Variants in CHEK1 observed in about 807,000 individuals in gnomAD.
The protein encoded by CHEK1 is serine/threonine-protein kinase Chk1.
CHEK1 carries 32 observed loss-of-function variants against 60.2 expected under a neutral mutation model. The observed-to-expected ratio is 0.53, with a 90% CI of 0.40 to 0.71. The LOEUF (loss-of-function observed/expected upper bound fraction) is 0.71, where lower values mean the gene tolerates loss of function less well. CHEK1 is among the 30% of genes least tolerant of loss of function. The pLI, the probability that CHEK1 is intolerant of heterozygous loss-of-function variation, is 0.00. For synonymous variants in CHEK1, 179 were observed against 187.2 expected (o/e 0.96, Z 0.36); for missense variants, 399 against 564.6 (o/e 0.71, Z 2.97).
downstream of CHEK1, chr11:125,677,897 A>G: frequency 6.2e-7 from 1 of 1,613,834 alleles, no homozygotes; most frequent in South Asian, 1.1e-5. Context: ...AAGGCTGTTC[A>G]CCGGAGCCAT....
intron 5 of CHEK1, among the ~76,000 whole-genome samples, chr11:125,630,299 T>C (rs777192003): frequency 6.6e-6 from 1 of 151,290 alleles, no homozygotes; most frequent in Non-Finnish European, 1.5e-5. Flanking sequence ...AGAATAGTGC[T>C]TAACAAATGG....
chr11:125,643,463 A>G, intron 8 of CHEK1: 1 of 177,032 alleles, frequency 5.6e-6, no homozygotes. Flanking sequence ...ACTGCACTCC[A>G]GCCTGGGTGA....
In CHEK1 at chr11:125,631,839, G is replaced by C. The variant is rs183376497; in HGVS notation, c.425-1324G>C. The stretch of plus-strand genomic sequence containing the variant: ...ATCACATCACTACACTCTAGTCTGG[G>C]CAGCAGAGTGAGACACTTTCTCAAA... On this transcript the variant is annotated intron_variant, in intron 5 of 12. Coordinates refer to ENST00000438015, the MANE Select transcript of CHEK1 (RefSeq NM_001114122.3). 3.7e-3 allele frequency among the ~76,000 whole-genome samples: 514 copies of C among 139,222 alleles called. 2 individuals carry two copies. The highest frequency in any genetic ancestry group is 0.013 in the African/African-American group (488 of 36,990). 91.3% of individuals were successfully genotyped at this position (139,222 alleles called of 152,430 possible).
At chr11:125,675,523 G>A (rs1447217974) in intron 13 of CHEK1, among the ~76,000 whole-genome samples, 5 of 152,218 alleles carry the variant, frequency 3.3e-5, no homozygotes, top group African/African-American at 7.2e-5. Context: ...TACAAGAGGA[G>A]TCAGGCAGTG....
chr11:125,643,519 G>A (rs983787722), intron 8 of CHEK1: 8 of 266,326 alleles, frequency 3.0e-5, no homozygotes, highest in African/African-American at 4.5e-5. Flanking sequence ...AAAGATTGTG[G>A]TCTGAGCATA....
intron 8 of CHEK1, among the ~76,000 whole-genome samples, chr11:125,642,669 C>T (rs569512057): frequency 1.1e-3 from 160 of 152,212 alleles, no homozygotes; most frequent in Admixed American, 1.8e-3. Flanking sequence ...GGATCAAGAT[C>T]CCTAAGGAGG....
In CHEK1 at chr11:125,639,614, C is replaced by T. The variant is rs3731432; in HGVS notation, c.814+2070C>T. On this transcript the variant is annotated intron_variant, in intron 8 of 12. Coordinates refer to ENST00000438015, the MANE Select transcript of CHEK1 (RefSeq NM_001114122.3). ...CTCAAACTCCTAGCCTCAAGTGATC[C>T]CCCTGCCTCAGCCTCCCAAAGTGCT... 4.6e-3 allele frequency among the ~76,000 whole-genome samples: 705 copies of T among 152,056 alleles called. 9 individuals are homozygous for T. Among genetic ancestry groups the T allele is most frequent in the African/African-American group, 0.014 (592 of 41,456 alleles).
rs1045744018 is a variant in CHEK1 at position 125,657,023 on chromosome 11, T to G, written c.*1703T>G. Reference sequence around the variant, plus strand: ...GTAGGAAGAGTATAGTGTCCTGTTTTGCACAGAAAGGCATTCTGTAAATAA... The same window carrying G: ...GTAGGAAGAGTATAGTGTCCTGTTTGGCACAGAAAGGCATTCTGTAAATAA... On this transcript the variant is annotated 3_prime_UTR_variant, in exon 13 of 13. Coordinates refer to ENST00000438015, the MANE Select transcript of CHEK1 (RefSeq NM_001114122.3). The G allele has an allele frequency of 1.1e-5, 2 of 190,346 alleles. No homozygotes were observed. Among genetic ancestry groups the G allele is most frequent in the Non-Finnish European group, 2.2e-5 (2 of 90,840 alleles). 11.8% of individuals were successfully genotyped at this position (190,346 alleles called of 1,614,324 possible).
chr11:125,627,570 T>G (rs1565361641), intron 2 of CHEK1, 37 bp from the exon 3 acceptor site: 1 of 1,521,100 alleles, frequency 6.6e-7, no homozygotes, highest in East Asian at 2.3e-5. Context: ...TTAGAAGAAA[T>G]GGAATTCTGT....
At chr11:125,655,182 G>T (rs745385662) in intron 12 of CHEK1, 43 bp from the exon 13 acceptor site, 1 of 1,484,240 alleles carries the variant, frequency 6.7e-7, no homozygotes, top group South Asian at 1.2e-5. Context: ...TTTTGTTTTT[G>T]TTTTTGTTTT....
At chr11:125,669,659 G>A (rs1942164063) in intron 13 of CHEK1, among the ~76,000 whole-genome samples, 1 of 151,416 alleles carries the variant, frequency 6.6e-6, no homozygotes, top group South Asian at 2.1e-4. Flanking sequence ...AAATAGCTGG[G>A]ATTACAGGCG....
At chr11:125,679,968 G>C (rs1942719905), downstream of CHEK1, among the ~76,000 whole-genome samples, 1 of 152,106 alleles carries the variant, frequency 6.6e-6, no homozygotes, top group South Asian at 2.1e-4. Context: ...GATATAGAAA[G>C]GAGACATAAA....
At chr11:125,676,459 G>A (rs1942514673), downstream of CHEK1, 1 of 1,614,152 alleles carries the variant, frequency 6.2e-7, no homozygotes, top group Admixed American at 1.7e-5. Context: ...AAGCACATGT[G>A]TAGCAATTTA....
chr11:125,640,414 G>C (rs1309275098), intron 8 of CHEK1, among the ~76,000 whole-genome samples: 1 of 151,936 alleles, frequency 6.6e-6, no homozygotes, highest in South Asian at 2.1e-4. Flanking sequence ...GGTGGCGGTC[G>C]CCTGTAGTCC....
intron 10 of CHEK1, 62 bp from the exon 11 acceptor site, chr11:125,644,450 C>A (rs2136029414): frequency 6.4e-7 from 1 of 1,564,628 alleles, no homozygotes; most frequent in South Asian, 1.2e-5. Flanking sequence ...GACTAAATAG[C>A]TATGATATTA....
downstream of CHEK1, chr11:125,657,268 TA>T (rs1201098710): frequency 3.5e-5 from 4 of 114,356 alleles, no homozygotes; most frequent in Non-Finnish European, 3.9e-5. Flanking sequence ...TATATAAAAA[TA>T]TGTGTGTGTG....
chr11:125,669,031 G>A (rs959325372), intron 13 of CHEK1, among the ~76,000 whole-genome samples: 3 of 151,506 alleles, frequency 2.0e-5, no homozygotes, highest in Admixed American at 6.6e-5. Flanking sequence ...TGCTATTATT[G>A]TCATATATAT....
Position 125,644,223 on chromosome 11 carries a change from T to C in CHEK1, c.1056T>C (p.His352=), listed in dbSNP as rs1261978117. The change falls in exon 10 of 13, where the codon CAT becomes CAC. Residue 352 remains histidine (H), a synonymous_variant. Coordinates refer to ENST00000438015, the MANE Select transcript of CHEK1 (RefSeq NM_001114122.3). ...ISFSQPTCPD[H]MLLNSQLLGT... The stretch of plus-strand genomic sequence containing the variant: ...TTTCCCAGCCCACATGTCCTGATCA[T>C]ATGCTTTTGAATAGTCAGTTACTTG... 1 of 1,614,134 alleles carries C rather than the reference T, an allele frequency of 6.2e-7. No individual in the cohort carries two copies. The highest frequency in any genetic ancestry group is 1.7e-5 in the Admixed American group (1 of 60,006).
At chr11:125,642,547 A>C (rs2136021830) in intron 8 of CHEK1, among the ~76,000 whole-genome samples, 1 of 152,360 alleles carries the variant, frequency 6.6e-6, no homozygotes, top group East Asian at 1.9e-4. Context: ...TTTAAAAAAA[A>C]ACTTGAGCAT....
Sources: allele counts gnomAD v4.1 joint callset (sites outside exome capture counted in the v4.1 genomes callset), GRCh38; gene constraint gnomAD v4.1.1; transcripts MANE v1.5; gene names NCBI Gene and HGNC (gene_info 2026-07-23, HGNC 2026-07-21).